The following CNOT10 variants were observed in gnomAD, a reference collection of about 807,000 sequenced individuals.
CNOT10 encodes the protein CCR4-NOT transcription complex subunit 10.
A neutral mutation model predicts 94.6 loss-of-function variants in CNOT10; 30 were observed. The ratio of observed to expected loss-of-function variants is 0.32; its 90% confidence interval spans 0.24 to 0.43. CNOT10 has a LOEUF of 0.43. Ranked by LOEUF, CNOT10 falls within the 20% of genes least tolerant of loss-of-function variation. The pLI, the probability that CNOT10 is intolerant of heterozygous loss-of-function variation, is 1.00. For synonymous variants in CNOT10, 289 were observed against 301.6 expected, an observed-to-expected ratio of 0.96 and a Z score of 0.43; for missense variants, 759 against 877.2, an observed-to-expected ratio of 0.87 and a Z score of 1.70.
chr3:32,734,899 A>C lies in CNOT10; in HGVS notation c.1437A>C (p.Pro479=). 1 of 1,614,162 alleles carries C rather than the reference A, an allele frequency of 6.2e-7. No homozygotes were observed. Among genetic ancestry groups the C allele is most frequent in the Non-Finnish European group, 8.5e-7 (1 of 1,180,014 alleles). The change falls in exon 12 of 19, where the codon CCA becomes CCC. Residue 479 remains proline, a synonymous_variant. Transcript: ENST00000328834. ...LLLLPEEQQD[P]KQENGAKNSN... ...TGCTACCTGAAGAACAGCAAGATCC[A>C]AAGCAGGAAAATGGGGCTAAAAATA...
At chr3:32,772,046 A>T (rs1167961073) in intron 18 of CNOT10, among the ~76,000 whole-genome samples, 24 of 152,180 alleles carry the variant, frequency 1.6e-4, no homozygotes, top group African/African-American at 5.1e-4. Flanking sequence ...CATGAATGAG[A>T]GAGATTAGAA....
At chr3:32,753,372 C>A in intron 13 of CNOT10, 2 of 1,357,752 alleles carry the variant, frequency 1.5e-6, no homozygotes, top group African/African-American at 2.9e-5. Flanking sequence ...ATTACACTTA[C>A]GATCAAGAAT....
intron 1 of CNOT10, among the ~76,000 whole-genome samples, chr3:32,702,331 T>C (rs539691475): frequency 6.6e-6 from 1 of 152,292 alleles, no homozygotes; most frequent in African/African-American, 2.4e-5. Flanking sequence ...ACTTTTGCTC[T>C]GAGTAGTTTA....
At chr3:32,722,782 A>G (rs997444277) in intron 8 of CNOT10, among the ~76,000 whole-genome samples, 3 of 152,150 alleles carry the variant, frequency 2.0e-5, no homozygotes, top group Non-Finnish European at 2.9e-5. Flanking sequence ...TCAGGAGTTC[A>G]AGACCAGGCT....
intron 3 of CNOT10, among the ~76,000 whole-genome samples, chr3:32,706,004 G>A (rs961379574): frequency 6.6e-6 from 1 of 152,094 alleles, no homozygotes; most frequent in African/African-American, 2.4e-5. Context: ...AACTCTTGAG[G>A]CAGTAGGTGC....
chr3:32,772,415 G>C (rs1700951975), intron 18 of CNOT10, among the ~76,000 whole-genome samples: 1 of 152,220 alleles, frequency 6.6e-6, no homozygotes, highest in South Asian at 2.1e-4. Flanking sequence ...TGGAGGCTGA[G>C]GCGGGAGGAT....
intron 13 of CNOT10, among the ~76,000 whole-genome samples, chr3:32,758,338 T>G (rs1483455255): frequency 6.6e-6 from 1 of 152,184 alleles, no homozygotes; most frequent in East Asian, 1.9e-4. Flanking sequence ...GGGCTGCCTT[T>G]CTAAGATTCT....
At chr3:32,724,513 C>T (rs1360514122) in intron 8 of CNOT10, among the ~76,000 whole-genome samples, 2 of 148,782 alleles carry the variant, frequency 1.3e-5, no homozygotes, top group African/African-American at 2.5e-5. Context: ...CCTGGGTTCC[C>T]GCCATTCTCC....
Position 32,720,108 on chromosome 3 carries a change from C to T in CNOT10, c.745-6C>T. Reference sequence around the variant, plus strand: ...ATTATAAGTAACTTTTATATTTTCTCTACAGTCCGCACCCTCTCTCTTTCT... The same window carrying T: ...ATTATAAGTAACTTTTATATTTTCTTTACAGTCCGCACCCTCTCTCTTTCT... On this transcript the variant is annotated splice_region_variant and splice_polypyrimidine_tract_variant and intron_variant, in intron 7 of 18. Transcript: ENST00000328834. The T allele has an allele frequency of 7.1e-7, 1 of 1,413,332 alleles. No homozygotes were observed. The highest frequency in any genetic ancestry group is 1.5e-5 in the South Asian group (1 of 68,358). The allele number at this position is 1,413,332 out of a possible 1,614,324, so 87.5% of individuals were successfully genotyped here. A position where few individuals can be genotyped will look rare whatever the true frequency, so the allele number is the denominator to read the frequency against.
chr3:32,759,692 C>G (rs1326447267), intron 14 of CNOT10, 121 bp downstream of exon 14: 2 of 731,112 alleles, frequency 2.7e-6, no homozygotes, highest in Non-Finnish European at 4.7e-6. Flanking sequence ...AGGAAAGCAA[C>G]TGTTTAAAAG....
chr3:32,769,939 C>A lies in CNOT10; in HGVS notation c.2057C>A (p.Ala686Glu). 10 of 1,613,576 alleles carry A rather than the reference C, an allele frequency of 6.2e-6. No homozygotes were observed. The highest frequency in any genetic ancestry group is 8.5e-6 in the Non-Finnish European group (10 of 1,179,516). ...GTGCCCCCTGAGGCCATCTTGCTGG[C>A]AGTCTACCTTGAACTGCAGAATGGT... ...KEVPPEAILL[A>E]VYLELQNGNT... Residue 686 changes from alanine (A) to glutamate (E), a missense_variant, in exon 18 of 19, where the codon GCA becomes GAA. Ala to Glu is a moderately radical substitution (Grantham distance 107, BLOSUM62 -1). This residue lies in a region of CNOT10 where 4 missense variants were observed against 16.8 expected (regional missense o/e 0.24). Transcript: ENST00000328834.
At chr3:32,708,552 A>T (rs1697727981) in intron 3 of CNOT10, 118 bp from the exon 4 acceptor site, 1 of 795,848 alleles carries the variant, frequency 1.3e-6, no homozygotes, top group African/African-American at 1.8e-5. Flanking sequence ...TGTTGAAAGT[A>T]TGGAAAAATT....
intron 1 of CNOT10, among the ~76,000 whole-genome samples, chr3:32,688,570 C>A (rs535891003): frequency 6.6e-6 from 1 of 151,752 alleles, no homozygotes; most frequent in Admixed American, 6.6e-5. Context: ...GCACTCCAGG[C>A]TGGGTGACAG....
chr3:32,736,997 C>CGA (rs1034392667), intron 12 of CNOT10, among the ~76,000 whole-genome samples: 3 of 152,106 alleles, frequency 2.0e-5, no homozygotes, highest in African/African-American at 7.2e-5. Context: ...TTGTTTAACT[C>CGA]TTTTACACTT....
intron 13 of CNOT10, chr3:32,752,949 T>G (rs1575291499): frequency 7.1e-6 from 3 of 424,510 alleles, no homozygotes; most frequent in Non-Finnish European, 9.2e-6. Flanking sequence ...TTCCCAGAGG[T>G]TTTTCCAGAG....
At chr3:32,737,937 A>G (rs1433594026) in intron 13 of CNOT10, among the ~76,000 whole-genome samples, 2 of 152,172 alleles carry the variant, frequency 1.3e-5, no homozygotes, top group African/African-American at 4.8e-5. Flanking sequence ...TTTCTTTTGT[A>G]TAAATTTTTA....
intron 18 of CNOT10, among the ~76,000 whole-genome samples, chr3:32,772,122 G>A (rs1276603906): frequency 1.3e-5 from 2 of 152,090 alleles, no homozygotes; most frequent in African/African-American, 2.4e-5. Flanking sequence ...AGGCCGAGGC[G>A]GGCAGATCAT....
rs1700821438 is a variant in CNOT10, at chr3:32,769,882, C to T, written c.2005-5C>T. On this transcript the variant is annotated splice_region_variant and splice_polypyrimidine_tract_variant and intron_variant, in intron 17 of 18. Coordinates refer to ENST00000328834, the MANE Select transcript of CNOT10 (RefSeq NM_015442.3). ...TTCACGGGCATCTTTCTGTTTTGAG[C>T]AAAGGCGGCTTCAATGATCCATCCT... The T allele has an allele frequency of 6.2e-7, 1 of 1,613,100 alleles. No individual in the cohort carries two copies.
chr3:32,749,332 G>A (rs1310825389), intron 13 of CNOT10, among the ~76,000 whole-genome samples: 1 of 151,424 alleles, frequency 6.6e-6, no homozygotes, highest in East Asian at 1.9e-4. Context: ...AGATCATGAG[G>A]ATTTACCATG....
Sources: gnomAD v4.1 joint callset for allele counts (sites outside exome capture counted in the v4.1 genomes callset) on GRCh38, gnomAD v4.1.1 for gene constraint, gnomAD v4.1.1 regional missense constraint, MANE v1.5 for transcripts, NCBI Gene and HGNC (gene_info 2026-07-23, HGNC 2026-07-21) for gene names.